The following DIAPH1 variants were observed in gnomAD, a reference collection of about 807,000 sequenced individuals.
The protein encoded by DIAPH1 is protein diaphanous homolog 1.
In DIAPH1, 46 loss-of-function variants were observed where a neutral mutation model predicts 140.7. The observed-to-expected ratio is 0.33, with a 90% CI of 0.26 to 0.42. DIAPH1 has a LOEUF of 0.42. Ranked by LOEUF, DIAPH1 falls within the 10% of genes least tolerant of loss-of-function variation. DIAPH1 has a pLI of 1.00. For synonymous variants in DIAPH1, 565 were observed against 551.6 expected, an observed-to-expected ratio of 1.02 and a Z score of -0.34; for missense variants, 1,310 against 1,558.7, an observed-to-expected ratio of 0.84 and a Z score of 2.69.
At position 141,587,033 on chromosome 5, in the gene DIAPH1, G is replaced by A; in HGVS notation, c.300+9C>T. ...GGAAGAAGCAACATTTTGGGAATGG[G>A]AAACTTACCAGCATCTGTTCAAAGA... On this transcript the variant is annotated intron_variant, in intron 3 of 27. Coordinates refer to ENST00000389054, the MANE Select transcript of DIAPH1 (RefSeq NM_005219.5). 6.2e-7 allele frequency: 1 copy of A among 1,614,044 alleles called. No individual in the cohort carries two copies. Among genetic ancestry groups the A allele is most frequent in the Non-Finnish European group, 8.5e-7 (1 of 1,179,964 alleles).
At chr5:141,524,468 A>G in intron 26 of DIAPH1, 1 of 552,610 alleles carries the variant, frequency 1.8e-6, no homozygotes, top group South Asian at 2.0e-5. Context: ...AGACCTTGGG[A>G]TATTTTCCCG....
At position 141,577,543 on chromosome 5, in the gene DIAPH1, T is replaced by A. The variant is rs749220748; in HGVS notation, c.1212A>T (p.Ser404=). 1.2e-6 allele frequency: 2 copies of A among 1,613,896 alleles called. No homozygotes were observed. Among genetic ancestry groups the A allele is most frequent in the African/African-American group, 2.7e-5 (2 of 74,942 alleles). Residue 404 remains serine, a synonymous_variant, in exon 12 of 28, where the codon TCA becomes TCT. Transcript: ENST00000389054. The stretch of plus-strand genomic sequence containing the variant: ...TGGAAAGGAAGTGTGGCTCTGCCTT[T>A]GAATCCTTCACTGTGTTTAAGAGAA... ...FQILLNTVKD[S]KAEPHFLSIL... is the part of the protein sequence containing the mutation.
At chr5:141,607,147 A>G (rs919020229) in intron 1 of DIAPH1, among the ~76,000 whole-genome samples, 12 of 152,206 alleles carry the variant, frequency 7.9e-5, no homozygotes, top group Non-Finnish European at 1.5e-4. Context: ...ATATAAACAT[A>G]TATTTTTGCA....
chr5:141,612,656 G>C (rs2099902027), intron 1 of DIAPH1, among the ~76,000 whole-genome samples: 3 of 152,162 alleles, frequency 2.0e-5, no homozygotes, highest in Non-Finnish European at 1.5e-5. Context: ...GTGAGAGGGA[G>C]GGATAACAAA....
intron 21 of DIAPH1, 90 bp from the exon 22 acceptor site, chr5:141,529,031 A>G: frequency 6.3e-7 from 1 of 1,586,542 alleles, no homozygotes; most frequent in Non-Finnish European, 8.7e-7. Flanking sequence ...GGAGGATCAC[A>G]GCTCCAGAGC....
chr5:141,596,452 C>A (rs559653069), intron 1 of DIAPH1, among the ~76,000 whole-genome samples: 1 of 152,048 alleles, frequency 6.6e-6, no homozygotes. Context: ...AAGCTGAGAT[C>A]ACATTGCTGA....
chr5:141,563,540 A>C lies in DIAPH1; in HGVS notation c.2482+7888T>G, dbSNP rs2099893916. ...GTATCAACAGACATTTAAGGCTAGG[A>C]ACTGACTGTACCAAGATGTTAGAAG... On this transcript the variant is annotated intron_variant, in intron 18 of 27. Transcript: ENST00000389054. 3 of 152,156 alleles carry C rather than the reference A, an allele frequency of 2.0e-5. No homozygotes were observed. In the South Asian group the frequency reaches 6.2e-4, roughly 32 times the overall value. 9.4% of individuals were successfully genotyped at this position (152,156 alleles called of 1,614,324 possible). A position where few individuals can be genotyped will look rare whatever the true frequency, so the allele number is the denominator to read the frequency against.
rs72792312 is a variant in DIAPH1 at position 141,580,250 on chromosome 5, T to G, written c.824+494A>C. ...CCTCAGCTCTTAAGATACTATCTTT[T>G]GCGGTGGCAGATGTCTAGAATCAAG... On this transcript the variant is annotated intron_variant, in intron 8 of 27. Coordinates refer to ENST00000389054, the MANE Select transcript of DIAPH1 (RefSeq NM_005219.5). 3.4e-3 allele frequency among the ~76,000 whole-genome samples: 523 copies of G among 152,346 alleles called. 2 individuals are homozygous for G. Among genetic ancestry groups the G allele is most frequent in the Non-Finnish European group, 4.5e-3 (308 of 68,030 alleles).
chr5:141,537,987 G>A (rs1466146611), intron 18 of DIAPH1, among the ~76,000 whole-genome samples: 2 of 151,880 alleles, frequency 1.3e-5, no homozygotes, highest in African/African-American at 4.8e-5. Flanking sequence ...AACCTCCTGA[G>A]CTCAAGCAAT....
chr5:141,573,390 G>C (rs201989666), intron 16 of DIAPH1, 102 bp downstream of exon 16: 8 of 1,385,642 alleles, frequency 5.8e-6, no homozygotes, highest in Admixed American at 1.9e-5. Flanking sequence ...AGCCGAGATC[G>C]CACCACTGCA....
intron 27 of DIAPH1, among the ~76,000 whole-genome samples, chr5:141,522,472 T>A (rs1164875216): frequency 1.3e-5 from 2 of 150,654 alleles, no homozygotes; most frequent in African/African-American, 4.9e-5. Flanking sequence ...GATGTCTGGC[T>A]ACCTGTGGAC....
intron 18 of DIAPH1, among the ~76,000 whole-genome samples, chr5:141,546,597 T>C (rs1334978021): frequency 6.7e-6 from 1 of 149,660 alleles, no homozygotes; most frequent in African/African-American, 2.5e-5. Flanking sequence ...TGGAAGTTGC[T>C]GTGAGCTGAG....
rs776170489 is a variant in DIAPH1, at chr5:141,528,507, G to T, written c.3094C>A (p.Pro1032Thr). The T allele has an allele frequency of 2.5e-6, 4 of 1,614,086 alleles. No homozygotes were observed. In the African/African-American group the frequency reaches 4.0e-5, roughly 16 times the overall value. Residue 1032 changes from proline to threonine, a missense_variant, in exon 23 of 28, where the codon CCC (proline) becomes ACC (threonine). By Grantham distance (38) the Pro-to-Thr change is conservative (BLOSUM62 -1). Around this residue, in one of 3 missense-constraint regions of DIAPH1, gnomAD observed 344 missense variants for 512.2 expected, o/e 0.67. Coordinates refer to ENST00000389054, the MANE Select transcript of DIAPH1 (RefSeq NM_005219.5). ...FLAELCENDY[P>T]DVLKFPDELA... is the part of the protein sequence containing the mutation. The stretch of plus-strand genomic sequence containing the variant: ...TCGTCTGGAAACTTGAGGACATCGG[G>T]ATAGTCATTCTCACACAACTCAGCC...
chr5:141,592,006 C>T (rs1383854303), intron 1 of DIAPH1, among the ~76,000 whole-genome samples: 2 of 148,712 alleles, frequency 1.3e-5, no homozygotes, highest in Non-Finnish European at 3.0e-5. Context: ...CACTTGAACC[C>T]GGGAGGCGGA....
At chr5:141,573,374 G>A (rs1425297089) in intron 16 of DIAPH1, 118 bp downstream of exon 16, 2 of 1,270,778 alleles carry the variant, frequency 1.6e-6, no homozygotes, top group South Asian at 2.5e-5. Flanking sequence ...GGCGGAGCTT[G>A]CAGTGAGCCG....
intron 18 of DIAPH1, among the ~76,000 whole-genome samples, chr5:141,537,102 A>G (rs1394720392): frequency 6.6e-6 from 1 of 152,060 alleles, no homozygotes; most frequent in Non-Finnish European, 1.5e-5. Flanking sequence ...CAGGAGGTTG[A>G]GGCTGCAGTG....
At position 141,517,004 on chromosome 5, in the gene DIAPH1, G is replaced by A; in HGVS notation, c.3666C>T (p.Asn1222=). ...ATGTGACTGCACACCCGGCCTTCCT[G>A]TTGGCTGCAAGAGAAGACGAGAGAT... is the stretch of plus-strand genomic sequence containing the variant. ...FRRKRGPRQA[N]RKAGCAVTSL... is the part of the protein sequence containing the mutation. The change falls in exon 28 of 28, where the codon AAC becomes AAT. Residue 1222 remains asparagine, a synonymous_variant. Coordinates refer to ENST00000389054, the MANE Select transcript of DIAPH1 (RefSeq NM_005219.5). 1 of 1,614,206 alleles carries A rather than the reference G, an allele frequency of 6.2e-7. No individual in the cohort carries two copies. Among genetic ancestry groups the A allele is most frequent in the Non-Finnish European group, 8.5e-7 (1 of 1,180,032 alleles).
chr5:141,616,907 CA>C (rs2099902773), intron 1 of DIAPH1, among the ~76,000 whole-genome samples: 1 of 152,180 alleles, frequency 6.6e-6, no homozygotes. Context: ...ATGGACATTC[CA>C]AAAGACAGGT....
chr5:141,556,980 TCACCGCGCCTGG>T (rs1211633327), intron 18 of DIAPH1, among the ~76,000 whole-genome samples: 2 of 152,062 alleles, frequency 1.3e-5, no homozygotes, highest in African/African-American at 4.8e-5. Context: ...CAGGCGTGAG[TCACCGCGCCTGG>T]CAGAGATCTT....
Sources: allele counts gnomAD v4.1 joint callset (sites outside exome capture counted in the v4.1 genomes callset), GRCh38; gene constraint gnomAD v4.1.1; regional missense constraint gnomAD v4.1.1; transcripts MANE v1.5; gene names NCBI Gene and HGNC (gene_info 2026-07-23, HGNC 2026-07-21).